PAX8: variants seen among roughly 807,000 people sequenced by gnomAD.
PAX8 encodes paired box protein Pax-8.
Under a neutral mutation model 52.4 loss-of-function variants are expected in PAX8, and 15 were observed. The observed-to-expected ratio is 0.29, with a 90% CI of 0.19 to 0.44. The LOEUF is 0.44. Ranked by LOEUF, PAX8 falls within the 20% of genes least tolerant of loss-of-function variation. PAX8 has a pLI of 1.00. For missense variants in PAX8, 554 were observed against 602.5 expected, an observed-to-expected ratio of 0.92 and a Z score of 0.84; for synonymous variants, 284 against 249.7, an observed-to-expected ratio of 1.14 and a Z score of -1.29.
intron 8 of PAX8, 121 bp downstream of exon 8, chr2:113,236,480 G>T (rs1225680251): frequency 6.6e-6 from 8 of 1,217,558 alleles, no homozygotes; most frequent in Non-Finnish European, 8.9e-6. Context: ...CCACCTGGCG[G>T]CCCGGCCGGC....
chr2:113,275,843 A>C (rs1376680869), intron 2 of PAX8: 1 of 152,254 alleles, frequency 6.6e-6, no homozygotes. Flanking sequence ...TTCGCGTTCA[A>C]CATTCCTGCA....
At chr2:113,261,744 A>G (rs1191289718) in intron 2 of PAX8, among the ~76,000 whole-genome samples, 7 of 152,006 alleles carry the variant, frequency 4.6e-5, no homozygotes, top group Non-Finnish European at 5.9e-5. Context: ...GGCTGGGGCC[A>G]TGTTGGTAGA....
intron 10 of PAX8, among the ~76,000 whole-genome samples, chr2:113,223,164 CA>C (rs1275897115): frequency 3.9e-5 from 6 of 151,918 alleles, no homozygotes; most frequent in Non-Finnish European, 5.9e-5. Context: ...TAACACGGCC[CA>C]AAAAACTCTT....
chr2:113,226,771 C>T, intron 10 of PAX8: 1 of 1,190,266 alleles, frequency 8.4e-7, no homozygotes, highest in Non-Finnish European at 1.1e-6. Context: ...ACCAGCACTG[C>T]TTGAGGGTAG....
rs961999761 is a variant in PAX8, at chr2:113,278,439, C to T, written c.-45G>A. 1 of 1,608,842 alleles carries T rather than the reference C, an allele frequency of 6.2e-7. No homozygotes were observed. Among genetic ancestry groups the T allele is most frequent in the Admixed American group, 1.7e-5 (1 of 59,942 alleles). ...GCCCGCCGAGGGCTCGGGGCTTCCTCCCGTAGGTCCGGGCCGCGCCTGCCG... is the reference window on the plus strand; with the variant it reads ...GCCCGCCGAGGGCTCGGGGCTTCCTTCCGTAGGTCCGGGCCGCGCCTGCCG... On this transcript the variant is annotated 5_prime_UTR_variant, in exon 2 of 12. Transcript: ENST00000429538.
chr2:113,250,804 G>C (rs955154144), intron 2 of PAX8: 7 of 152,236 alleles, frequency 4.6e-5, no homozygotes, highest in African/African-American at 1.7e-4. Context: ...AACAAGACAA[G>C]AATCCTGGCC....
intron 11 of PAX8, among the ~76,000 whole-genome samples, chr2:113,219,748 G>A (rs151157448): frequency 2.8e-4 from 42 of 152,282 alleles, no homozygotes; most frequent in African/African-American, 7.7e-4. Context: ...ACTGTAAGCC[G>A]TGGAGGCAGG....
intron 7 of PAX8, 141 bp downstream of exon 7, chr2:113,241,410 G>T: frequency 1.3e-6 from 1 of 794,460 alleles, no homozygotes; most frequent in Non-Finnish European, 2.1e-6. Context: ...GCATGTGTCA[G>T]GCTTGGAGTT....
intron 9 of PAX8, among the ~76,000 whole-genome samples, chr2:113,234,554 T>A (rs1302983452): frequency 2.0e-5 from 3 of 152,258 alleles, no homozygotes; most frequent in Non-Finnish European, 4.4e-5. Flanking sequence ...GGAGTCTTGC[T>A]CTGTCACCCA....
intron 9 of PAX8, among the ~76,000 whole-genome samples, chr2:113,231,685 A>G (rs1183209461): frequency 1.3e-5 from 2 of 152,192 alleles, no homozygotes; most frequent in Non-Finnish European, 2.9e-5. Flanking sequence ...GGTCTGCAGC[A>G]TTACTTAGGA....
intron 9 of PAX8, chr2:113,230,683 A>C (rs1410243754): frequency 3.9e-5 from 6 of 152,200 alleles, no homozygotes; most frequent in African/African-American, 1.4e-4. Flanking sequence ...ACAGCCCTAC[A>C]AAACTCTTTG....
At position 113,242,001 on chromosome 2, in the gene PAX8, C is replaced by A. The variant is rs1424544565; in HGVS notation, c.601+7G>T. 1.2e-6 allele frequency: 2 copies of A among 1,613,444 alleles called. No homozygotes were observed. Among genetic ancestry groups the A allele is most frequent in the East Asian group, 2.2e-5 (1 of 44,834 alleles). On this transcript the variant is annotated splice_region_variant and intron_variant, in intron 6 of 11. Coordinates refer to ENST00000429538, the MANE Select transcript of PAX8 (RefSeq NM_003466.4). ...ACCGCCCGCTGCCCTCCTGTCCCAG[C>A]ACTCACTGTCATCCATTTTCCTCTT...
At chr2:113,246,626 C>T in intron 3 of PAX8, 128 bp downstream of exon 3, 1 of 1,062,480 alleles carries the variant, frequency 9.4e-7, no homozygotes, top group Non-Finnish European at 1.4e-6. Context: ...GTTCAGGTCT[C>T]AGGACCAAAG....
chr2:113,224,770 AC>A (rs1689454755), intron 10 of PAX8, among the ~76,000 whole-genome samples: 1 of 151,520 alleles, frequency 6.6e-6, no homozygotes, highest in South Asian at 2.1e-4. Flanking sequence ...AGAATCATTG[AC>A]TGTTAATGGA....
chr2:113,243,182 C>G (rs943614990), intron 4 of PAX8, among the ~76,000 whole-genome samples: 3 of 152,178 alleles, frequency 2.0e-5, no homozygotes, highest in Non-Finnish European at 4.4e-5. Flanking sequence ...CCTCTTGGCC[C>G]TTTCTAAGTG....
At chr2:113,272,986 C>G (rs1279114519) in intron 2 of PAX8, 1 of 152,182 alleles carries the variant, frequency 6.6e-6, no homozygotes, top group African/African-American at 2.4e-5. Context: ...TTCCCCTGCC[C>G]CCACTTTTTA....
chr2:113,241,732 A>AC lies in PAX8; in HGVS notation c.602-7dup. 3 of 1,613,638 alleles carry AC rather than the reference A, an allele frequency of 1.9e-6. No individual in the cohort carries two copies. Among genetic ancestry groups the AC allele is most frequent in the South Asian group, 1.1e-5 (1 of 91,068 alleles). ...TCGGCAGCTATCCTGATCACCTGGT[A>AC]CCCCCCGGGAAGGAAGAAAGCTTTT... is the stretch of plus-strand genomic sequence containing the variant. On this transcript the variant is annotated splice_region_variant and splice_polypyrimidine_tract_variant and intron_variant, in intron 6 of 11. Coordinates refer to ENST00000429538, the MANE Select transcript of PAX8 (RefSeq NM_003466.4).
intron 3 of PAX8, 32 bp downstream of exon 3, chr2:113,246,722 G>A: frequency 6.2e-7 from 1 of 1,606,502 alleles, no homozygotes. Context: ...AGCCCTGCGG[G>A]GAAGGCGGCC....
chr2:113,236,600 C>G lies in PAX8; in HGVS notation c.898+1G>C. On this transcript the variant is annotated splice_donor_variant, in intron 8 of 11. Transcript: ENST00000429538. LOFTEE classifies it high-confidence loss of function. ...TGCCAGGGAGGCTCCGGGCGTTGTA[C>G]CTGCCACCACGGGGTAGGTCTGGTG... is the stretch of plus-strand genomic sequence containing the variant. The G allele has an allele frequency of 6.4e-7, 1 of 1,572,176 alleles. No individual in the cohort carries two copies. The highest frequency in any genetic ancestry group is 8.6e-7 in the Non-Finnish European group (1 of 1,159,786).
Sources: allele counts gnomAD v4.1 joint callset (sites outside exome capture counted in the v4.1 genomes callset), GRCh38; gene constraint gnomAD v4.1.1; transcripts MANE v1.5; gene names NCBI Gene and HGNC (gene_info 2026-07-23, HGNC 2026-07-21).